The following OSBPL8 variants were observed in gnomAD, a reference collection of about 807,000 sequenced individuals.
OSBPL8 encodes oxysterol binding protein like 8.
A neutral mutation model predicts 125.5 loss-of-function variants in OSBPL8; 59 were observed. That is an observed-to-expected ratio of 0.47 (90% CI 0.38 to 0.58). The LOEUF (loss-of-function observed/expected upper bound fraction) is 0.58. OSBPL8 is among the 20% of genes least tolerant of loss of function. OSBPL8 has a pLI of 0.00. For missense variants in OSBPL8, 758 were observed against 1,047.8 expected (o/e 0.72, Z 3.82); for synonymous variants, 330 against 338.9 (o/e 0.97, Z 0.29).
intron 21 of OSBPL8, among the ~76,000 whole-genome samples, chr12:76,361,508 C>T (rs766347122): frequency 3.2e-4 from 49 of 152,334 alleles, no homozygotes; most frequent in Non-Finnish European, 6.6e-4. Flanking sequence ...TCCAAAGTCG[C>T]TTCCACATTT....
At chr12:76,529,738 T>C (rs1330271733) in intron 1 of OSBPL8, among the ~76,000 whole-genome samples, 1 of 152,170 alleles carries the variant, frequency 6.6e-6, no homozygotes, top group Non-Finnish European at 1.5e-5. Flanking sequence ...CTATCTGAGA[T>C]AAGGCTCTAG....
chr12:76,409,358 T>C (rs906623570), intron 5 of OSBPL8, among the ~76,000 whole-genome samples: 4 of 152,186 alleles, frequency 2.6e-5, no homozygotes, highest in Admixed American at 6.5e-5. Context: ...CTCAGTGTAT[T>C]AGCATCTTAT....
chr12:76,533,354 T>G (rs749045124), intron 1 of OSBPL8, among the ~76,000 whole-genome samples: 3 of 152,190 alleles, frequency 2.0e-5, no homozygotes, highest in Non-Finnish European at 4.4e-5. Context: ...TTCATTTGGA[T>G]CCTACTACTC....
At chr12:76,510,211 AG>A (rs1435635583) in intron 1 of OSBPL8, among the ~76,000 whole-genome samples, 1 of 152,232 alleles carries the variant, frequency 6.6e-6, no homozygotes, top group Non-Finnish European at 1.5e-5. Flanking sequence ...AACTTAAAAC[AG>A]AGGTATTGTT....
intron 4 of OSBPL8, among the ~76,000 whole-genome samples, chr12:76,427,655 A>C (rs1870308045): frequency 6.6e-6 from 1 of 152,062 alleles, no homozygotes; most frequent in Non-Finnish European, 1.5e-5. Context: ...TTGTGATTTC[A>C]ATTTAATTTC....
chr12:76,355,275 C>T lies in OSBPL8; in HGVS notation c.*614G>A, dbSNP rs1029268749. ...AGGGGTTAAAAAAAACTTATGTAAA[C>T]TTTTAAAAAAGCAATTTGCCATTTA... On this transcript the variant is annotated 3_prime_UTR_variant, in exon 24 of 24. Transcript: ENST00000261183. 1 of 152,398 alleles carries T rather than the reference C, an allele frequency of 6.6e-6. No homozygotes were observed. Among genetic ancestry groups the T allele is most frequent in the Non-Finnish European group, 1.5e-5 (1 of 67,926 alleles). 9.4% of individuals were successfully genotyped at this position (152,398 alleles called of 1,614,324 possible). A position where few individuals can be genotyped will look rare whatever the true frequency, so the allele number is the denominator to read the frequency against.
At chr12:76,489,066 T>C (rs557471775) in intron 1 of OSBPL8, among the ~76,000 whole-genome samples, 172 of 152,270 alleles carry the variant, frequency 1.1e-3, no homozygotes, top group African/African-American at 4.0e-3. Flanking sequence ...AGGCTAATTA[T>C]ATAGGCAAGG....
Position 76,438,478 on chromosome 12 carries a change from A to G in OSBPL8, c.217+12373T>C, listed in dbSNP as rs193044850. Among the ~76,000 whole-genome samples, 87 of 152,152 alleles carry G rather than the reference A, an allele frequency of 5.7e-4. 2 individuals are homozygous for G. The highest frequency in any genetic ancestry group is 2.1e-3 in the African/African-American group (86 of 41,532). Reference sequence around the variant, plus strand: ...GCCACCATGCCCGGCTAACTTCTTAATAATTTTAATGATTTCTGTGTCAAT... The same window carrying G: ...GCCACCATGCCCGGCTAACTTCTTAGTAATTTTAATGATTTCTGTGTCAAT... On this transcript the variant is annotated intron_variant, in intron 4 of 23. Transcript: ENST00000261183.
At position 76,487,495 on chromosome 12, in the gene OSBPL8, A is replaced by G. The variant is rs770702103; in HGVS notation, c.42+15T>C. ...TTACAGATGATAGAACCTATGTCATATATGAACTACTCACCGAAGTTCGAT... is the reference window on the plus strand; with the variant it reads ...TTACAGATGATAGAACCTATGTCATGTATGAACTACTCACCGAAGTTCGAT... On this transcript the variant is annotated intron_variant, in intron 2 of 23. Transcript: ENST00000261183. 3.1e-6 allele frequency: 5 copies of G among 1,590,264 alleles called. No homozygotes were observed. Among genetic ancestry groups the G allele is most frequent in the Non-Finnish European group, 4.3e-6 (5 of 1,170,152 alleles).
intron 2 of OSBPL8, 114 bp from the exon 3 acceptor site, chr12:76,460,009 T>C (rs1301915019): frequency 3.1e-6 from 3 of 981,580 alleles, no homozygotes; most frequent in African/African-American, 3.2e-5. Flanking sequence ...ATAGCATTAG[T>C]TTATAAGTAG....
chr12:76,396,700 G>A (rs977124402), intron 8 of OSBPL8, among the ~76,000 whole-genome samples: 1 of 152,144 alleles, frequency 6.6e-6, no homozygotes, highest in African/African-American at 2.4e-5. Context: ...GCTGCAGTGA[G>A]CAATGATCAT....
chr12:76,452,711 G>A (rs1455765884), intron 3 of OSBPL8, among the ~76,000 whole-genome samples: 2 of 152,162 alleles, frequency 1.3e-5, no homozygotes, highest in East Asian at 1.9e-4. Context: ...ATTCAACACA[G>A]TCTGGCCTGC....
chr12:76,401,348 A>G (rs1392021503), intron 6 of OSBPL8, among the ~76,000 whole-genome samples: 2 of 152,176 alleles, frequency 1.3e-5, no homozygotes, highest in African/African-American at 4.8e-5. Context: ...CATTCTCATT[A>G]TTTTAAATGT....
At chr12:76,410,486 A>G in intron 5 of OSBPL8, 78 bp downstream of exon 5, 1 of 1,065,222 alleles carries the variant, frequency 9.4e-7, no homozygotes. Flanking sequence ...AAAAAGCTTC[A>G]TAGGATTTCA....
chr12:76,459,949 A>G lies in OSBPL8; in HGVS notation c.43-54T>C, dbSNP rs1388766640. On this transcript the variant is annotated intron_variant, in intron 2 of 23. Coordinates refer to ENST00000261183, the MANE Select transcript of OSBPL8 (RefSeq NM_020841.5). ...ACAAATACAGTCCAAATCAGGAAGA[A>G]GCAAAATGCATCAGGACGGAAACAG... 4.5e-6 allele frequency: 7 copies of G among 1,570,944 alleles called. No homozygotes were observed. In the African/African-American group the frequency reaches 9.5e-5, roughly 21 times the overall value.
intron 9 of OSBPL8, 59 bp downstream of exon 9, chr12:76,394,586 C>A: frequency 8.6e-7 from 1 of 1,163,716 alleles, no homozygotes; most frequent in Non-Finnish European, 1.3e-6. Context: ...TACAAAGTGG[C>A]ATTAAAAAAA....
chr12:76,369,949 T>G (rs913699032), intron 19 of OSBPL8, 127 bp from the exon 20 acceptor site: 1 of 874,694 alleles, frequency 1.1e-6, no homozygotes, highest in Non-Finnish European at 1.7e-6. Flanking sequence ...TGACAACACT[T>G]ATGCTCATAG....
chr12:76,481,214 T>C (rs1352890876), intron 2 of OSBPL8, among the ~76,000 whole-genome samples: 1 of 152,236 alleles, frequency 6.6e-6, no homozygotes, highest in East Asian at 1.9e-4. Flanking sequence ...TAAATTTGTG[T>C]TGTTTTGAGC....
intron 1 of OSBPL8, among the ~76,000 whole-genome samples, chr12:76,545,554 T>C (rs913370923): frequency 6.6e-6 from 1 of 152,184 alleles, no homozygotes; most frequent in African/African-American, 2.4e-5. Context: ...ATTACTGATA[T>C]TCAATCCCAA....
Sources: gnomAD v4.1 joint callset for allele counts (sites outside exome capture counted in the v4.1 genomes callset) on GRCh38, gnomAD v4.1.1 for gene constraint, MANE v1.5 for transcripts, NCBI Gene and HGNC (gene_info 2026-07-23, HGNC 2026-07-21) for gene names.